Variants in AUTS2 observed in about 807,000 individuals in gnomAD.
The protein encoded by AUTS2 is activator of transcription and developmental regulator AUTS2.
AUTS2 carries 17 observed loss-of-function variants against 112.4 expected under a neutral mutation model. The observed-to-expected ratio is 0.15, with a 90% CI of 0.10 to 0.23. The LOEUF is 0.23. AUTS2 is among the 10% of genes least tolerant of loss of function. AUTS2 has a pLI of 1.00. For synonymous variants in AUTS2, 751 were observed against 702.7 expected (o/e 1.07, Z -1.09); for missense variants, 1,510 against 1,701.6 (o/e 0.89, Z 1.98).
intron 2 of AUTS2, among the ~76,000 whole-genome samples, chr7:69,966,818 G>GT (rs1297177541): frequency 6.6e-6 from 1 of 152,024 alleles, no homozygotes; most frequent in East Asian, 1.9e-4. Context: ...TTTCTTGGAA[G>GT]TTTAATGAGT....
At chr7:70,409,329 G>GTA (rs146260941) in intron 4 of AUTS2, among the ~76,000 whole-genome samples, 1,592 of 150,580 alleles carry the variant, frequency 0.011, 26 homozygotes, top group African/African-American at 0.029. Context: ...TGGTGTATTA[G>GTA]TATATATATA....
intron 4 of AUTS2, among the ~76,000 whole-genome samples, chr7:70,206,003 A>G (rs1040171135): frequency 6.6e-6 from 1 of 152,250 alleles, no homozygotes; most frequent in Non-Finnish European, 1.5e-5. Context: ...GATTAGATTC[A>G]GAATAAAAGG....
intron 5 of AUTS2, among the ~76,000 whole-genome samples, chr7:70,528,104 T>A (rs1036413233): frequency 1.2e-4 from 14 of 121,078 alleles, no homozygotes; most frequent in African/African-American, 2.7e-4. Context: ...TTTTTTTTTT[T>A]TTTTTTTTTT....
chr7:70,444,245 C>A (rs574561007), intron 5 of AUTS2, among the ~76,000 whole-genome samples: 74 of 151,964 alleles, frequency 4.9e-4, no homozygotes, highest in African/African-American at 1.7e-3. Context: ...TAGAGTGTAA[C>A]CTGGGAGGCT....
chr7:70,196,750 C>T (rs993249585), intron 4 of AUTS2, among the ~76,000 whole-genome samples: 5 of 152,184 alleles, frequency 3.3e-5, no homozygotes, highest in African/African-American at 9.7e-5. Context: ...CTGAGATTTA[C>T]TGATAGGCAA....
chr7:70,342,323 CTT>C (rs551510185), intron 4 of AUTS2, among the ~76,000 whole-genome samples: 31 of 141,490 alleles, frequency 2.2e-4, no homozygotes, highest in Admixed American at 4.3e-4. Flanking sequence ...ATAATTTTTT[CTT>C]TTTTTTTTTT....
chr7:69,730,771 C>T (rs1487306327), intron 1 of AUTS2, among the ~76,000 whole-genome samples: 2 of 152,132 alleles, frequency 1.3e-5, no homozygotes, highest in Admixed American at 1.3e-4. Context: ...GGATTTTTCT[C>T]AATAGCTAGA....
At chr7:69,725,137 G>A (rs1257354523) in intron 1 of AUTS2, among the ~76,000 whole-genome samples, 1 of 152,074 alleles carries the variant, frequency 6.6e-6, no homozygotes, top group East Asian at 1.9e-4. Flanking sequence ...GCCTGGTTTT[G>A]TTCTCTATTA....
chr7:69,898,924 C>T (rs1794859224), intron 1 of AUTS2, among the ~76,000 whole-genome samples: 1 of 152,058 alleles, frequency 6.6e-6, no homozygotes, highest in African/African-American at 2.4e-5. Flanking sequence ...ATTGATGTAC[C>T]AACTTGGGAA....
At chr7:69,602,020 G>GTGTATATA (rs1486667901) in intron 1 of AUTS2, among the ~76,000 whole-genome samples, 3 of 68,376 alleles carry the variant, frequency 4.4e-5, no homozygotes, top group Admixed American at 1.5e-4. Context: ...ATGTGTGTGT[G>GTGTATATA]TATATATATA....
chr7:69,600,025 C>G, intron 1 of AUTS2, 63 bp downstream of exon 1: 1 of 1,539,852 alleles, frequency 6.5e-7, no homozygotes, highest in Non-Finnish European at 8.9e-7. Flanking sequence ...CTGCGCCCGG[C>G]TCTCCTGCCT....
intron 2 of AUTS2, among the ~76,000 whole-genome samples, chr7:70,067,609 T>G (rs1243170013): frequency 6.6e-6 from 1 of 152,116 alleles, no homozygotes; most frequent in Non-Finnish European, 1.5e-5. Context: ...ACTTTGGTAG[T>G]TCAAGGTGGG....
chr7:70,498,364 A>G (rs909498342), intron 5 of AUTS2, among the ~76,000 whole-genome samples: 1 of 152,188 alleles, frequency 6.6e-6, no homozygotes, highest in Non-Finnish European at 1.5e-5. Flanking sequence ...GCATTCTGGT[A>G]GTAGTAATCA....
At chr7:70,351,582 G>T (rs1050683553) in intron 4 of AUTS2, among the ~76,000 whole-genome samples, 3 of 152,094 alleles carry the variant, frequency 2.0e-5, no homozygotes, top group Non-Finnish European at 4.4e-5. Context: ...TTAAATTTTG[G>T]TGGGGTCTTC....
intron 2 of AUTS2, among the ~76,000 whole-genome samples, chr7:70,111,784 C>T (rs1177475825): frequency 6.6e-6 from 1 of 152,024 alleles, no homozygotes; most frequent in Non-Finnish European, 1.5e-5. Context: ...AAACTTTAGA[C>T]TGCTTAATTA....
At chr7:70,350,121 G>T (rs1207580569) in intron 4 of AUTS2, among the ~76,000 whole-genome samples, 1 of 127,592 alleles carries the variant, frequency 7.8e-6, no homozygotes, top group Non-Finnish European at 1.7e-5. Context: ...AGATTTAAAA[G>T]TGTGAGCAGG....
At chr7:70,564,248 A>G (rs1801609983) in intron 5 of AUTS2, among the ~76,000 whole-genome samples, 1 of 152,172 alleles carries the variant, frequency 6.6e-6, no homozygotes, top group African/African-American at 2.4e-5. Context: ...TTGGAAGTTT[A>G]TTTAGATGAT....
At chr7:69,675,505 GTTTTTTT>G (rs751222506) in intron 1 of AUTS2, among the ~76,000 whole-genome samples, 23 of 114,206 alleles carry the variant, frequency 2.0e-4, no homozygotes, top group African/African-American at 7.6e-4. Context: ...TTGGCTGAGG[GTTTTTTT>G]TTTTTTTTTT....
intron 1 of AUTS2, among the ~76,000 whole-genome samples, chr7:69,828,382 G>A (rs573419671): frequency 6.6e-5 from 10 of 152,158 alleles, no homozygotes; most frequent in African/African-American, 2.2e-4. Context: ...TCTTTGAACC[G>A]TGAGCCAGCG....
Sources: gnomAD v4.1 joint callset for allele counts (sites outside exome capture counted in the v4.1 genomes callset) on GRCh38, gnomAD v4.1.1 for gene constraint, MANE v1.5 for transcripts, NCBI Gene and HGNC (gene_info 2026-07-23, HGNC 2026-07-21) for gene names.